The following NXPE2 variants were observed in gnomAD, a reference collection of about 807,000 sequenced individuals.
NXPE2 encodes neurexophilin and PC-esterase domain family member 2.
In NXPE2, 34 loss-of-function variants were observed where a neutral mutation model predicts 34.4. That is an observed-to-expected ratio of 0.99 (90% confidence interval 0.75 to 1.31). The LOEUF (loss-of-function observed/expected upper bound fraction) is 1.31. Ranked by LOEUF, NXPE2 falls within the 40% of genes most tolerant of loss-of-function variation. NXPE2 has a pLI of 0.00. For synonymous variants in NXPE2, 235 were observed against 231.3 expected (o/e 1.02, Z -0.15); for missense variants, 649 against 672.5 (o/e 0.97, Z 0.39).
the NXPE2 span, among the ~76,000 whole-genome samples, chr11:114,491,203 A>AGAGTTTCTGC: frequency 6.7e-6 from 1 of 150,214 alleles, no homozygotes; most frequent in Non-Finnish European, 1.5e-5. Flanking sequence ...CAGCCAAAGA[A>AGAGTTTCTGC]ACTACCATCA....
chr11:114,598,298 A>T, the NXPE2 span, among the ~76,000 whole-genome samples: 1 of 20,290 alleles, frequency 4.9e-5, no homozygotes, highest in Non-Finnish European at 1.0e-4. Context: ...CTTTGTGTTG[A>T]GTGCCTTTGG....
At chr11:114,811,790 G>C in the NXPE2 span, among the ~76,000 whole-genome samples, 936 of 152,304 alleles carry the variant, frequency 6.1e-3, 5 homozygotes, top group Middle Eastern at 0.014. Flanking sequence ...CGTAGGGCCA[G>C]AGAATGCAGT....
the NXPE2 span, among the ~76,000 whole-genome samples, chr11:114,777,884 T>G: frequency 9.9e-5 from 15 of 152,220 alleles, no homozygotes; most frequent in African/African-American, 3.6e-4. Flanking sequence ...CAGTGGAGAT[T>G]AGAACACTGT....
the NXPE2 span, among the ~76,000 whole-genome samples, chr11:114,520,257 C>T: frequency 0.23 from 34,225 of 151,876 alleles, 5,383 homozygotes; most frequent in African/African-American, 0.44. Context: ...CTACACCTCC[C>T]TGTTTTCTCT....
chr11:114,770,367 G>C, the NXPE2 span, among the ~76,000 whole-genome samples: 4 of 152,226 alleles, frequency 2.6e-5, no homozygotes, highest in Non-Finnish European at 4.4e-5. Context: ...ATGCAATGCA[G>C]TATGTGTGTG....
At chr11:114,623,126 G>A in the NXPE2 span, among the ~76,000 whole-genome samples, 1 of 152,100 alleles carries the variant, frequency 6.6e-6, no homozygotes. Flanking sequence ...GTTACCCGGT[G>A]GATAATAAGT....
chr11:114,720,502 T>C, the NXPE2 span, among the ~76,000 whole-genome samples: 4 of 152,250 alleles, frequency 2.6e-5, no homozygotes, highest in African/African-American at 9.6e-5. Flanking sequence ...AGAAAGCTTC[T>C]GGGTCAAAAG....
At chr11:114,532,740 T>C in the NXPE2 span, among the ~76,000 whole-genome samples, 3 of 152,182 alleles carry the variant, frequency 2.0e-5, no homozygotes, top group African/African-American at 7.2e-5. Context: ...TGCATATACA[T>C]ATAAAAGTAT....
the NXPE2 span, among the ~76,000 whole-genome samples, chr11:114,650,074 G>GA: frequency 9.9e-5 from 15 of 151,668 alleles, no homozygotes; most frequent in East Asian, 1.9e-4. Flanking sequence ...CTAACAATGA[G>GA]AAAAAAAATC....
chr11:114,580,254 T>C, the NXPE2 span: 2 of 1,613,944 alleles, frequency 1.2e-6, no homozygotes, highest in African/African-American at 1.3e-5. Context: ...GGAGACAGGA[T>C]TCCATGTGTT....
the NXPE2 span, among the ~76,000 whole-genome samples, chr11:114,719,755 G>A: frequency 2.6e-5 from 4 of 152,356 alleles, no homozygotes; most frequent in Non-Finnish European, 4.4e-5. Context: ...TTTCCTGGTC[G>A]TGTTTAGAGG....
chr11:114,582,155 C>A, the NXPE2 span: 1 of 936,514 alleles, frequency 1.1e-6, no homozygotes, highest in Non-Finnish European at 1.6e-6. Flanking sequence ...TAAATGAATT[C>A]ACAGATCCTT....
At chr11:114,467,617 T>A in the NXPE2 span, among the ~76,000 whole-genome samples, 3 of 152,060 alleles carry the variant, frequency 2.0e-5, no homozygotes, top group Non-Finnish European at 2.9e-5. Flanking sequence ...GAGGGGACAT[T>A]AGAACTGGCC....
At chr11:114,626,074 T>C in the NXPE2 span, among the ~76,000 whole-genome samples, 1 of 152,140 alleles carries the variant, frequency 6.6e-6, no homozygotes, top group Admixed American at 6.5e-5. Flanking sequence ...GAGATCAAAC[T>C]GCAAGGCGGC....
the NXPE2 span, among the ~76,000 whole-genome samples, chr11:114,654,304 A>C: frequency 6.6e-6 from 1 of 151,964 alleles, no homozygotes; most frequent in East Asian, 1.9e-4. Context: ...AAGCTACCGG[A>C]TCTCAGGAAA....
At chr11:114,571,357 T>C in the NXPE2 span, 3 of 1,614,036 alleles carry the variant, frequency 1.9e-6, no homozygotes, top group South Asian at 3.3e-5. Flanking sequence ...GAATAGGTCA[T>C]TGATCCTATC....
chr11:114,586,363 G>A, the NXPE2 span, among the ~76,000 whole-genome samples: 3 of 152,300 alleles, frequency 2.0e-5, no homozygotes, highest in South Asian at 6.2e-4. Context: ...TGGGATCCGA[G>A]GAAGATTCAT....
the NXPE2 span, among the ~76,000 whole-genome samples, chr11:114,562,121 G>T: frequency 2.0e-5 from 3 of 152,092 alleles, no homozygotes; most frequent in Non-Finnish European, 2.9e-5. Context: ...TCTGATTATT[G>T]TGCTTTATGC....
the NXPE2 span, among the ~76,000 whole-genome samples, chr11:114,809,201 A>G: frequency 0.019 from 2,849 of 152,090 alleles, 194 homozygotes; most frequent in East Asian, 0.25. Flanking sequence ...TCTCAAAATA[A>G]TAAGAGCTAT....
Sources: allele counts gnomAD v4.1 joint callset (sites outside exome capture counted in the v4.1 genomes callset), GRCh38; gene constraint gnomAD v4.1.1; transcripts MANE v1.5; gene names NCBI Gene and HGNC (gene_info 2026-07-23, HGNC 2026-07-21).